Variants in DLGAP4 observed in about 807,000 individuals in gnomAD.
DLGAP4 encodes DLG associated protein 4, also known as disks large-associated protein 4.
DLGAP4 carries 18 observed loss-of-function variants against 86.9 expected under a neutral mutation model. The observed-to-expected ratio is 0.21, with a 90% CI of 0.14 to 0.31. The LOEUF is 0.31. DLGAP4 is among the 10% of genes least tolerant of loss of function. DLGAP4 has a pLI of 1.00. For missense variants in DLGAP4, 1,085 were observed against 1,362.6 expected, an observed-to-expected ratio of 0.80 and a Z score of 3.21; for synonymous variants, 548 against 574.3, an observed-to-expected ratio of 0.95 and a Z score of 0.65.
In DLGAP4 at chr20:36,525,180, T is replaced by C. The variant is rs193152438; in HGVS notation, c.2605-671T>C. Among the ~76,000 whole-genome samples the C allele has an allele frequency of 4.9e-3, 593 of 120,752 alleles. 3 individuals carry two copies. The highest frequency in any genetic ancestry group is 0.018 in the African/African-American group (567 of 31,566). 79.2% of individuals were successfully genotyped at this position (120,752 alleles called of 152,430 possible). A position where few individuals can be genotyped will look rare whatever the true frequency, so the allele number is the denominator to read the frequency against. Reference sequence around the variant, plus strand: ...TTGCAGTGAGCCGAGATCGCGTCACTGCATCCAGCCTGGGTGACAGAGCGA... The same window carrying C: ...TTGCAGTGAGCCGAGATCGCGTCACCGCATCCAGCCTGGGTGACAGAGCGA... On this transcript the variant is annotated intron_variant, in intron 11 of 12. Transcript: ENST00000339266.
intron 10 of DLGAP4, chr20:36,507,957 G>A (rs764565796): frequency 7.9e-5 from 12 of 152,294 alleles, no homozygotes; most frequent in Admixed American, 2.0e-4. Flanking sequence ...GTCCCTCCAC[G>A]TGCCTTTGCT....
chr20:36,358,962 CAAG>C (rs1170766764), intron 1 of DLGAP4, among the ~76,000 whole-genome samples: 3 of 152,098 alleles, frequency 2.0e-5, no homozygotes, highest in Non-Finnish European at 2.9e-5. Context: ...CAGAAATGCT[CAAG>C]AAGAAGTGGA....
In DLGAP4 at chr20:36,461,936, A is replaced by T. The variant is rs1057484848; in HGVS notation, c.1648+14999A>T. 1.6e-5 allele frequency: 16 copies of T among 984,422 alleles called. No homozygotes were observed. The Admixed American group carries it at 1.9e-4, about 11-fold the overall frequency. The allele number at this position is 984,422 out of a possible 1,614,324, so 61.0% of individuals were successfully genotyped here. ...CTTCTCAGAGCGCTCTTCAGCCCTC[A>T]GAGCCGCCCTTTCTGGGCGACCCCA... On this transcript the variant is annotated intron_variant, in intron 7 of 12. Coordinates refer to ENST00000339266, the MANE Select transcript of DLGAP4 (RefSeq NM_001365621.2).
intron 1 of DLGAP4, among the ~76,000 whole-genome samples, chr20:36,358,847 T>C (rs1452839854): frequency 6.6e-6 from 1 of 152,134 alleles, no homozygotes; most frequent in Non-Finnish European, 1.5e-5. Flanking sequence ...TTGAAGGTGC[T>C]GGTCAGCCTC....
At chr20:36,315,028 A>G (rs2065084249) in intron 1 of DLGAP4, among the ~76,000 whole-genome samples, 3 of 10,778 alleles carry the variant, frequency 2.8e-4, no homozygotes, top group Admixed American at 1.1e-3. Flanking sequence ...TGGTGGTGTG[A>G]GATGTGTGTG....
intron 2 of DLGAP4, among the ~76,000 whole-genome samples, chr20:36,406,352 T>C (rs938130642): frequency 1.7e-4 from 25 of 146,170 alleles, no homozygotes; most frequent in Non-Finnish European, 3.1e-4. Flanking sequence ...GAGCCGAGAT[T>C]GCGCCACTGC....
intron 2 of DLGAP4, among the ~76,000 whole-genome samples, chr20:36,427,797 G>C (rs962821757): frequency 6.6e-6 from 1 of 151,972 alleles, no homozygotes; most frequent in African/African-American, 2.4e-5. Context: ...ACAAAAATTA[G>C]CTGGGCGTGG....
At chr20:36,447,089 T>G (rs2033612328) in intron 7 of DLGAP4, 152 bp downstream of exon 7, 18 of 1,423,254 alleles carry the variant, frequency 1.3e-5, no homozygotes, top group Non-Finnish European at 1.7e-5. Context: ...CAGGAGGCCT[T>G]GGAGCTGAAC....
At chr20:36,422,535 AGGT>A (rs1365539943) in intron 2 of DLGAP4, among the ~76,000 whole-genome samples, 2 of 152,170 alleles carry the variant, frequency 1.3e-5, no homozygotes, top group African/African-American at 4.8e-5. Flanking sequence ...GTTTGGACTG[AGGT>A]GGGAAGAAGG....
chr20:36,474,774 C>T (rs1228688790), intron 7 of DLGAP4, among the ~76,000 whole-genome samples: 1 of 152,144 alleles, frequency 6.6e-6, no homozygotes. Flanking sequence ...GGATTGGGCT[C>T]CTCCCTCCTT....
chr20:36,414,722 G>A (rs1201887887), intron 2 of DLGAP4, among the ~76,000 whole-genome samples: 1 of 152,202 alleles, frequency 6.6e-6, no homozygotes, highest in East Asian at 1.9e-4. Context: ...GGCTCCAGGG[G>A]GCAGAGGCCC....
chr20:36,335,562 G>A (rs1239223101), intron 1 of DLGAP4, among the ~76,000 whole-genome samples: 1 of 152,170 alleles, frequency 6.6e-6, no homozygotes, highest in African/African-American at 2.4e-5. Flanking sequence ...GAGGCTGTGT[G>A]TCTGAGCCTA....
At chr20:36,409,649 A>G (rs1254957884) in intron 2 of DLGAP4, among the ~76,000 whole-genome samples, 1 of 150,378 alleles carries the variant, frequency 6.6e-6, no homozygotes, top group Non-Finnish European at 1.5e-5. Flanking sequence ...CAGGAGACAG[A>G]GGTTGCAGTG....
chr20:36,500,441 AC>A lies in DLGAP4; in HGVS notation c.2346del (p.Trp783GlyfsTer26). 6.4e-7 allele frequency: 1 copy of A among 1,570,198 alleles called. No homozygotes were observed. The highest frequency in any genetic ancestry group is 8.7e-7 in the Non-Finnish European group (1 of 1,155,492). On this transcript the variant is annotated frameshift_variant, in exon 10 of 13. Coordinates refer to ENST00000339266, the MANE Select transcript of DLGAP4 (RefSeq NM_001365621.2). LOFTEE classifies it high-confidence loss of function. This position sits in a 1 kb window ranked among gnomAD's most constrained non-coding sequence, Gnocchi z 4.6. ...ALEASSLPPPDPWLETSSSSP... is the reference protein window; with the variant it reads ...ALEASSLPPPXPWLETSSSSP... ...GAGGCGTCCTCGCTGCCCCCACCCG[AC>A]CCCTGGCTCGAGACCTCCTCCAGCT...
At chr20:36,491,788 T>A (rs769535628) in intron 7 of DLGAP4, among the ~76,000 whole-genome samples, 1 of 152,154 alleles carries the variant, frequency 6.6e-6, no homozygotes, top group Non-Finnish European at 1.5e-5. Flanking sequence ...ATAATCTGGG[T>A]TTTTGGCAAC....
intron 10 of DLGAP4, among the ~76,000 whole-genome samples, chr20:36,520,724 T>C (rs1429184727): frequency 6.6e-6 from 1 of 152,040 alleles, no homozygotes; most frequent in Non-Finnish European, 1.5e-5. Flanking sequence ...TTTTTTCCCT[T>C]CTTTATCTGC....
At chr20:36,427,085 G>A (rs1300456490) in intron 2 of DLGAP4, among the ~76,000 whole-genome samples, 1 of 152,074 alleles carries the variant, frequency 6.6e-6, no homozygotes, top group East Asian at 1.9e-4. Context: ...TCAAGAAGCT[G>A]ATGTGGGAGG....
intron 2 of DLGAP4, among the ~76,000 whole-genome samples, chr20:36,421,810 C>T (rs1302564722): frequency 2.0e-5 from 3 of 151,982 alleles, no homozygotes; most frequent in Non-Finnish European, 4.4e-5. Context: ...GTCAGACATC[C>T]AGGGCAAGAT....
chr20:36,376,964 G>A (rs1040176738), intron 2 of DLGAP4, among the ~76,000 whole-genome samples: 1 of 152,176 alleles, frequency 6.6e-6, no homozygotes, highest in Admixed American at 6.5e-5. Context: ...CACGGTCCAG[G>A]GGCAGAGGTG....
Sources: allele counts gnomAD v4.1 joint callset (sites outside exome capture counted in the v4.1 genomes callset), GRCh38; gene constraint gnomAD v4.1.1; non-coding constraint Gnocchi (gnomAD v3.1); transcripts MANE v1.5; gene names NCBI Gene and HGNC (gene_info 2026-07-23, HGNC 2026-07-21).